SPIB: variants seen among roughly 807,000 people sequenced by gnomAD.
SPIB encodes Spi-B transcription factor, also known as transcription factor Spi-B.
Under a neutral mutation model 31.9 loss-of-function variants are expected in SPIB, and 7 were observed. That is an observed-to-expected ratio of 0.22 (90% confidence interval 0.12 to 0.41). The LOEUF (loss-of-function observed/expected upper bound fraction) is 0.41, where lower values mean the gene tolerates loss of function less well. Ranked by LOEUF, SPIB falls within the 10% of genes least tolerant of loss-of-function variation. The pLI is 1.00. For synonymous variants in SPIB, 176 were observed against 158.9 expected (o/e 1.11, Z -0.81); for missense variants, 327 against 360.2 (o/e 0.91, Z 0.75).
Position 50,428,477 on chromosome 19 carries a change from C to A in SPIB, c.*141C>A. 1 of 987,770 alleles carries A rather than the reference C, an allele frequency of 1.0e-6. No homozygotes were observed. The highest frequency in any genetic ancestry group is 1.4e-6 in the Non-Finnish European group (1 of 695,976). The allele number at this position is 987,770 out of a possible 1,614,324, so 61.2% of individuals were successfully genotyped here. ...ACCTTTTGGGGTAAGGGGAGTGCTG[C>A]CCTGCCATAATCCCCAAGCCCAGCC... On this transcript the variant is annotated 3_prime_UTR_variant, in exon 6 of 6. Transcript: ENST00000595883. This position sits in a 1 kb window ranked among gnomAD's most constrained non-coding sequence, Gnocchi z 6.5.
rs1046729887 is a variant in SPIB at position 50,428,618 on chromosome 19, C to T, written c.*282C>T. ...GACAGGACCTATGGACCACTATACT[C>T]GGGGAGGCAGGGTAGCAGTTCTTCC... is the stretch of plus-strand genomic sequence containing the variant. On this transcript the variant is annotated 3_prime_UTR_variant, in exon 6 of 6. Coordinates refer to ENST00000595883, the MANE Select transcript of SPIB (RefSeq NM_003121.5). This position sits in a 1 kb window ranked among gnomAD's most constrained non-coding sequence, Gnocchi z 6.5. 1.8e-5 allele frequency: 7 copies of T among 399,156 alleles called. No individual in the cohort carries two copies. The highest frequency in any genetic ancestry group is 1.3e-4 in the Admixed American group (3 of 22,716). The allele number at this position is 399,156 out of a possible 1,614,324, so 24.7% of individuals were successfully genotyped here.
At chr19:50,424,624 T>C (rs972841615) in intron 5 of SPIB, among the ~76,000 whole-genome samples, 1 of 151,792 alleles carries the variant, frequency 6.6e-6, no homozygotes, top group African/African-American at 2.4e-5. Context: ...TTACTAAAAA[T>C]ACAAAAATTA....
intron 5 of SPIB, among the ~76,000 whole-genome samples, chr19:50,424,780 A>T (rs1009418755): frequency 4.7e-5 from 7 of 148,706 alleles, no homozygotes; most frequent in Admixed American, 3.3e-4. Context: ...ACTCTGTCTT[A>T]AAAAAAAAGA....
chr19:50,429,877 C>CT lies in SPIB; in HGVS notation c.*1542dup, dbSNP rs1471496514. The CT allele has an allele frequency of 6.6e-6, 1 of 152,046 alleles. No individual in the cohort carries two copies. The highest frequency in any genetic ancestry group is 2.4e-5 in the African/African-American group (1 of 41,344). The allele number at this position is 152,046 out of a possible 1,614,324, so 9.4% of individuals were successfully genotyped here. ...ATTAGCTGGGCGTGGTGGCACGTGC[C>CT]TGTAGTCCCAGCTACTCGGGAGGCT... On this transcript the variant is annotated 3_prime_UTR_variant, in exon 6 of 6. Coordinates refer to ENST00000595883, the MANE Select transcript of SPIB (RefSeq NM_003121.5).
Position 50,428,239 on chromosome 19 carries a change from TCCGAAACTACG to T in SPIB, c.695_705del (p.Arg232GlnfsTer163). The stretch of plus-strand genomic sequence containing the variant: ...ACCTACCAGAAGCTGGCGCGCGCCC[TCCGAAACTACG>T]CCAAGACCGGCGAGATCCGCAAGGT... On this transcript the variant is annotated frameshift_variant, in exon 6 of 6. Transcript: ENST00000595883. LOFTEE classifies it high-confidence loss of function. The surrounding 1 kb of genome is among the most constrained non-coding windows in gnomAD (Gnocchi z 6.5). 1 of 1,561,864 alleles carries T rather than the reference TCCGAAACTACG, an allele frequency of 6.4e-7. No individual in the cohort carries two copies. The highest frequency in any genetic ancestry group is 8.7e-7 in the Non-Finnish European group (1 of 1,152,810).
At chr19:50,424,119 C>CA (rs1332773670) in intron 5 of SPIB, among the ~76,000 whole-genome samples, 1 of 152,148 alleles carries the variant, frequency 6.6e-6, no homozygotes, top group African/African-American at 2.4e-5. Context: ...TATCAACCCC[C>CA]AACGGTTCAA....
Position 50,422,998 on chromosome 19 carries a change from T to C in SPIB, c.300T>C (p.Pro100=). The change falls in exon 4 of 6, where the codon CCT becomes CCC. Residue 100 remains proline (P), a synonymous_variant. Transcript: ENST00000595883. The stretch of plus-strand genomic sequence containing the variant: ...CCCCCAGCCTGGAGGCCCCGGGGCC[T>C]GGCCTCCCTGCATACCCCACGGAGA... The part of the protein sequence containing the change: ...ELAPSLEAPG[P]GLPAYPTENF... The C allele has an allele frequency of 6.4e-7, 1 of 1,552,722 alleles. No individual in the cohort carries two copies. The highest frequency in any genetic ancestry group is 8.7e-7 in the Non-Finnish European group (1 of 1,146,896).
chr19:50,424,122 C>T (rs568054025), intron 5 of SPIB, among the ~76,000 whole-genome samples: 3 of 152,294 alleles, frequency 2.0e-5, no homozygotes, highest in South Asian at 2.1e-4. Context: ...CAACCCCCAA[C>T]GGTTCAACCC....
intron 1 of SPIB, 34 bp from the exon 2 acceptor site, chr19:50,419,912 G>A (rs2039471083): frequency 6.5e-7 from 1 of 1,532,678 alleles, no homozygotes; most frequent in Non-Finnish European, 8.7e-7. Context: ...GCTGGAGGCA[G>A]CCTCAGCATG....
chr19:50,419,137 T>G, intron 1 of SPIB, 152 bp downstream of exon 1: 1 of 845,032 alleles, frequency 1.2e-6, no homozygotes, highest in African/African-American at 1.7e-5. Context: ...CCCTTCTGGT[T>G]CTGTTCCCTC....
Position 50,420,093 on chromosome 19 carries a change from TC to T in SPIB, c.51+125del, listed in dbSNP as rs1601259640. 1.8e-5 allele frequency: 16 copies of T among 889,450 alleles called. No homozygotes were observed. In the East Asian group the frequency reaches 5.3e-4, roughly 29 times the overall value. 55.1% of individuals were successfully genotyped at this position (889,450 alleles called of 1,614,324 possible). A position where few individuals can be genotyped will look rare whatever the true frequency, so the allele number is the denominator to read the frequency against. ...TCTTCCTGTCACTTTGTTTCTGAGC[TC>T]CCCCTTGGTATCTCCTGCTACCCCG... On this transcript the variant is annotated intron_variant, in intron 2 of 5. Transcript: ENST00000595883.
chr19:50,420,527 G>C (rs573896704), intron 2 of SPIB, among the ~76,000 whole-genome samples: 2 of 152,182 alleles, frequency 1.3e-5, no homozygotes, highest in African/African-American at 4.8e-5. Context: ...TCAAGATACC[G>C]AACATTTCAA....
intron 2 of SPIB, among the ~76,000 whole-genome samples, chr19:50,420,721 G>A (rs934335062): frequency 6.6e-6 from 1 of 152,160 alleles, no homozygotes; most frequent in Non-Finnish European, 1.5e-5. Context: ...TCCACCTCCC[G>A]GGTTCAAGCA....
chr19:50,419,646 C>T (rs1568646573), intron 1 of SPIB, among the ~76,000 whole-genome samples: 2 of 152,194 alleles, frequency 1.3e-5, no homozygotes, highest in Non-Finnish European at 2.9e-5. Context: ...TTGACCCAGG[C>T]CCCCTCTCCA....
At chr19:50,423,223 GAAAA>G in intron 4 of SPIB, 186 bp downstream of exon 4, 3 of 382,352 alleles carry the variant, frequency 7.8e-6, no homozygotes, top group Non-Finnish European at 1.4e-5. Flanking sequence ...AAAAAAAAAA[GAAAA>G]AGAAAAGAAA....
At chr19:50,424,972 C>T (rs2039547181) in intron 5 of SPIB, among the ~76,000 whole-genome samples, 1 of 150,280 alleles carries the variant, frequency 6.7e-6, no homozygotes, top group Non-Finnish European at 1.5e-5. Flanking sequence ...AACAAACAAA[C>T]AAAACCACAG....
At chr19:50,426,652 A>G (rs1240677041) in intron 5 of SPIB, among the ~76,000 whole-genome samples, 1 of 151,826 alleles carries the variant, frequency 6.6e-6, no homozygotes, top group Non-Finnish European at 1.5e-5. Flanking sequence ...AGCCAAGCAC[A>G]CCCAGCTAAT....
Position 50,430,336 on chromosome 19 carries a change from C to T in SPIB, c.*2000C>T, listed in dbSNP as rs2039625737. 6.6e-6 allele frequency: 1 copy of T among 152,074 alleles called. No homozygotes were observed. Among genetic ancestry groups the T allele is most frequent in the African/African-American group, 2.4e-5 (1 of 41,374 alleles). The allele number at this position is 152,074 out of a possible 1,614,324, so 9.4% of individuals were successfully genotyped here. ...GAGTCAAAGGCTGCGGGCCAAGAGGCCAGAGGTCCTTGAGCCTGGGTGGGC... is the reference window on the plus strand; with the variant it reads ...GAGTCAAAGGCTGCGGGCCAAGAGGTCAGAGGTCCTTGAGCCTGGGTGGGC... On this transcript the variant is annotated 3_prime_UTR_variant, in exon 6 of 6. Coordinates refer to ENST00000595883, the MANE Select transcript of SPIB (RefSeq NM_003121.5).
intron 2 of SPIB, among the ~76,000 whole-genome samples, 189 bp from the exon 3 acceptor site, chr19:50,422,282 ACT>A (rs1214695543): frequency 6.6e-6 from 1 of 150,958 alleles, no homozygotes; most frequent in African/African-American, 2.4e-5. Context: ...TTGTGTCTCT[ACT>A]CTCTGTATCT....
Sources: allele counts gnomAD v4.1 joint callset (sites outside exome capture counted in the v4.1 genomes callset), GRCh38; gene constraint gnomAD v4.1.1; non-coding constraint Gnocchi (gnomAD v3.1); transcripts MANE v1.5; gene names NCBI Gene and HGNC (gene_info 2026-07-23, HGNC 2026-07-21).